The following SLC26A4 variants were observed in gnomAD, a reference collection of about 807,000 sequenced individuals.
SLC26A4 encodes the protein solute carrier family 26 member 4, also known as pendrin.
In SLC26A4, 93 loss-of-function variants were observed where a neutral mutation model predicts 90.4. That is an observed-to-expected ratio of 1.03 (90% CI 0.87 to 1.22). The LOEUF (loss-of-function observed/expected upper bound fraction) is 1.22. Ranked by LOEUF, SLC26A4 falls within the 50% of genes most tolerant of loss-of-function variation. The pLI is 0.00. For missense variants in SLC26A4, 1,127 were observed against 946.2 expected, an observed-to-expected ratio of 1.19 and a Z score of -2.51; for synonymous variants, 393 against 354.6, an observed-to-expected ratio of 1.11 and a Z score of -1.22.
intron 12 of SLC26A4, 137 bp from the exon 13 acceptor site, chr7:107,695,796 G>C (rs1451625541): frequency 6.1e-6 from 4 of 661,096 alleles, no homozygotes; most frequent in East Asian, 2.8e-5. Context: ...CTGGGCAATA[G>C]AGTGTGACCC....
chr7:107,677,853 G>A (rs140456964), intron 6 of SLC26A4, among the ~76,000 whole-genome samples: 2,776 of 152,248 alleles, frequency 0.018, 42 homozygotes, highest in Non-Finnish European at 0.025. Context: ...CTGAGTTCAA[G>A]TGATCCTCTC....
At position 107,701,938 on chromosome 7, in the gene SLC26A4, G is replaced by T. The variant is rs747919826; in HGVS notation, c.1915G>T (p.Asp639Tyr). Reference sequence around the variant, plus strand: ...AACCAAGGAAATAGAGATTCAAGTGGATTGGAACTCTGAGCTTCCAGTCAA... The same window carrying T: ...AACCAAGGAAATAGAGATTCAAGTGTATTGGAACTCTGAGCTTCCAGTCAA... ...IPTKEIEIQV[D>Y]WNSELPVKVN... The change falls in exon 17 of 21, where the codon GAT becomes TAT. Residue 639 changes from aspartate to tyrosine, a missense_variant. Transcript: ENST00000644269. 1.2e-6 allele frequency: 2 copies of T among 1,612,806 alleles called. No individual in the cohort carries two copies. The highest frequency in any genetic ancestry group is 1.7e-6 in the Non-Finnish European group (2 of 1,178,770).
intron 20 of SLC26A4, among the ~76,000 whole-genome samples, chr7:107,713,872 G>A (rs1792264178): frequency 2.0e-5 from 3 of 150,970 alleles, no homozygotes; most frequent in Non-Finnish European, 4.4e-5. Context: ...TCATCTTGTT[G>A]GTTCTTGTTT....
At chr7:107,669,750 T>C (rs1256940055) in intron 3 of SLC26A4, among the ~76,000 whole-genome samples, 2 of 152,156 alleles carry the variant, frequency 1.3e-5, no homozygotes, top group Non-Finnish European at 2.9e-5. Context: ...AAAATACATA[T>C]AAGGAACATG....
In SLC26A4 at chr7:107,714,004, T is replaced by C. The variant is rs1584348074; in HGVS notation, c.2319+1382T>C. ...ATCTCAGCTCACTGCAATCCCTCCC[T>C]CCCAGGTTCAAGAGATTCTCACGTG... On this transcript the variant is annotated intron_variant, in intron 20 of 20. Coordinates refer to ENST00000644269, the MANE Select transcript of SLC26A4 (RefSeq NM_000441.2). Among the ~76,000 whole-genome samples, 9 of 152,248 alleles carry C rather than the reference T, an allele frequency of 5.9e-5. No individual in the cohort carries two copies. The South Asian group carries it at 1.9e-3, about 32-fold the overall frequency.
In SLC26A4 at chr7:107,701,968, A is replaced by G; in HGVS notation, c.1945A>G (p.Asn649Asp). The G allele has an allele frequency of 6.2e-7, 1 of 1,614,044 alleles. No individual in the cohort carries two copies. Among genetic ancestry groups the G allele is most frequent in the Non-Finnish European group, 8.5e-7 (1 of 1,179,920 alleles). ...DWNSELPVKVNVPKVPIHSLV... is the reference protein window; with the variant it reads ...DWNSELPVKVDVPKVPIHSLV... ...GAACTCTGAGCTTCCAGTCAAAGTG[A>G]ACGTTCCCAAAGTGCCAATCCATAG... The change falls in exon 17 of 21, where the codon AAC becomes GAC. Residue 649 changes from asparagine (N) to aspartate (D), a missense_variant. Transcript: ENST00000644269.
chr7:107,661,687 T>C lies in SLC26A4; in HGVS notation c.46T>C (p.Tyr16His). ...GTCGGAGCCGCCGCAGCTCCCCGAG[T>C]ACAGCTGCAGCTACATGGTGTCGCG... ...GRSEPPQLPE[Y>H]SCSYMVSRPV... Residue 16 changes from tyrosine (Y) to histidine (H), a missense_variant, in exon 2 of 21, where the codon TAC becomes CAC. Coordinates refer to ENST00000644269, the MANE Select transcript of SLC26A4 (RefSeq NM_000441.2). The surrounding 1 kb of genome is among the most constrained non-coding windows in gnomAD (Gnocchi z 5.1). 1 of 1,572,868 alleles carries C rather than the reference T, an allele frequency of 6.4e-7. No individual in the cohort carries two copies. Among genetic ancestry groups the C allele is most frequent in the Non-Finnish European group, 8.6e-7 (1 of 1,163,766 alleles).
At chr7:107,713,663 C>G (rs1254173314) in intron 20 of SLC26A4, among the ~76,000 whole-genome samples, 1 of 152,190 alleles carries the variant, frequency 6.6e-6, no homozygotes, top group Non-Finnish European at 1.5e-5. Context: ...TTGATCTCAT[C>G]AAGATATTCC....
chr7:107,663,400 C>A lies in SLC26A4; in HGVS notation c.269C>A (p.Ser90Ter), dbSNP rs370588279. The A allele has an allele frequency of 1.2e-6, 2 of 1,613,910 alleles. No individual in the cohort carries two copies. Among genetic ancestry groups the A allele is most frequent in the African/African-American group, 2.7e-5 (2 of 74,870 alleles). ...GAATGGCTGCTTAGTGACGTCATTTCGGGAGTTAGTACTGGGCTAGTGGCC... is the reference window on the plus strand; with the variant it reads ...GAATGGCTGCTTAGTGACGTCATTTAGGGAGTTAGTACTGGGCTAGTGGCC... ...VKEWLLSDVI[S>*]GVSTGLVATL... is the part of the protein sequence containing the mutation. The change falls in exon 3 of 21, where the codon TCG becomes TAG. Residue 90 changes from serine to a stop codon, truncating the protein, a stop_gained. Coordinates refer to ENST00000644269, the MANE Select transcript of SLC26A4 (RefSeq NM_000441.2). LOFTEE classifies it high-confidence loss of function.
At chr7:107,672,561 TA>T (rs1790902471) in intron 4 of SLC26A4, among the ~76,000 whole-genome samples, 1 of 151,976 alleles carries the variant, frequency 6.6e-6, no homozygotes, top group Non-Finnish European at 1.5e-5. Flanking sequence ...TTTTGCTTTT[TA>T]AAAACGTGAT....
chr7:107,702,371 G>A lies in SLC26A4; in HGVS notation c.2034+314G>A, dbSNP rs374199382. On this transcript the variant is annotated intron_variant, in intron 17 of 20. Transcript: ENST00000644269. ...ACAGGTTGTTACAAGGATTAAATAAGCTAATAGATATAAGGTGTTTAGAAG... is the reference window on the plus strand; with the variant it reads ...ACAGGTTGTTACAAGGATTAAATAAACTAATAGATATAAGGTGTTTAGAAG... Among the ~76,000 whole-genome samples, 12 of 152,212 alleles carry A rather than the reference G, an allele frequency of 7.9e-5. No individual in the cohort carries two copies. In the East Asian group the frequency reaches 2.1e-3, roughly 27 times the overall value.
intron 20 of SLC26A4, among the ~76,000 whole-genome samples, chr7:107,712,922 T>C (rs1008935168): frequency 6.6e-6 from 1 of 152,116 alleles, no homozygotes; most frequent in African/African-American, 2.4e-5. Context: ...TGTAAGGCCA[T>C]GGGGTAGGAA....
chr7:107,674,431 C>A, intron 5 of SLC26A4, 83 bp downstream of exon 5: 2 of 1,127,492 alleles, frequency 1.8e-6, no homozygotes, highest in Non-Finnish European at 1.3e-6. Context: ...AAAGATTCTA[C>A]TAAAAACAAA....
At position 107,712,763 on chromosome 7, in the gene SLC26A4, A is replaced by G. The variant is rs533443861; in HGVS notation, c.2319+141A>G. 10 of 650,608 alleles carry G rather than the reference A, an allele frequency of 1.5e-5. No individual in the cohort carries two copies. The East Asian group carries it at 2.8e-4, about 18-fold the overall frequency. 40.3% of individuals were successfully genotyped at this position (650,608 alleles called of 1,614,324 possible). ...CAGAAAAGATGGCTTCATAGCAGGG[A>G]AAAAGAGAAAATAAGAATTCTCCCT... On this transcript the variant is annotated intron_variant, in intron 20 of 20. Transcript: ENST00000644269.
At position 107,661,699 on chromosome 7, in the gene SLC26A4, T is replaced by A; in HGVS notation, c.58T>A (p.Tyr20Asn). 6.4e-7 allele frequency: 1 copy of A among 1,572,248 alleles called. No individual in the cohort carries two copies. The highest frequency in any genetic ancestry group is 1.2e-5 in the South Asian group (1 of 86,202). The change falls in exon 2 of 21, where the codon TAC (tyrosine) becomes AAC (asparagine). Residue 20 changes from tyrosine to asparagine, a missense_variant. Coordinates refer to ENST00000644269, the MANE Select transcript of SLC26A4 (RefSeq NM_000441.2). The surrounding 1 kb of genome is among the most constrained non-coding windows in gnomAD (Gnocchi z 5.1). ...GCAGCTCCCCGAGTACAGCTGCAGC[T>A]ACATGGTGTCGCGGCCGGTCTACAG... The part of the protein sequence containing the change: ...PPQLPEYSCS[Y>N]MVSRPVYSEL...
intron 19 of SLC26A4, among the ~76,000 whole-genome samples, 178 bp from the exon 20 acceptor site, chr7:107,712,361 C>CA (rs1168341964): frequency 1.3e-5 from 2 of 151,652 alleles, no homozygotes; most frequent in African/African-American, 4.8e-5. Flanking sequence ...TTTCAATGTG[C>CA]AAAAAAATGA....
Position 107,716,356 on chromosome 7 carries a change from T to G in SLC26A4, c.*910T>G, listed in dbSNP as rs1045026637. 1 of 152,162 alleles carries G rather than the reference T, an allele frequency of 6.6e-6. No individual in the cohort carries two copies. The highest frequency in any genetic ancestry group is 2.4e-5 in the African/African-American group (1 of 41,450). 9.4% of individuals were successfully genotyped at this position (152,162 alleles called of 1,614,324 possible). A position where few individuals can be genotyped will look rare whatever the true frequency, so the allele number is the denominator to read the frequency against. On this transcript the variant is annotated 3_prime_UTR_variant, in exon 21 of 21. Coordinates refer to ENST00000644269, the MANE Select transcript of SLC26A4 (RefSeq NM_000441.2). ...GCTTACATAACCATGGTGATTAAAA[T>G]GAGTTTATATTTTTTCTCAAAAATT...
chr7:107,674,145 A>G lies in SLC26A4; in HGVS notation c.416-19A>G, dbSNP rs1562823546. The G allele has an allele frequency of 1.9e-6, 3 of 1,612,046 alleles. No homozygotes were observed. Among genetic ancestry groups the G allele is most frequent in the Admixed American group, 1.7e-5 (1 of 60,024 alleles). ...TGTGATTAATAACTGATTAATTGTT[A>G]GAGACTTTTTTTCCCCAGGACCTTT... On this transcript the variant is annotated intron_variant, in intron 4 of 20. Coordinates refer to ENST00000644269, the MANE Select transcript of SLC26A4 (RefSeq NM_000441.2).
chr7:107,694,591 T>A, intron 11 of SLC26A4, 30 bp from the exon 12 acceptor site: 1 of 1,576,162 alleles, frequency 6.3e-7, no homozygotes, highest in Non-Finnish European at 8.7e-7. Flanking sequence ...ATTCCCTGAA[T>A]AACACAGCCT....
Sources: gnomAD v4.1 joint callset for allele counts (sites outside exome capture counted in the v4.1 genomes callset) on GRCh38, gnomAD v4.1.1 for gene constraint, Gnocchi (gnomAD v3.1) non-coding constraint, MANE v1.5 for transcripts, NCBI Gene and HGNC (gene_info 2026-07-23, HGNC 2026-07-21) for gene names.